The following PBX1 variants were observed in gnomAD, a reference collection of about 807,000 sequenced individuals.
PBX1 encodes the protein PBX homeobox 1.
PBX1 carries 6 observed loss-of-function variants against 53.4 expected under a neutral mutation model. The observed-to-expected ratio is 0.11, with a 90% CI of 0.06 to 0.22. PBX1 has a LOEUF of 0.22. PBX1 is among the 10% of genes least tolerant of loss of function. The pLI, the probability that PBX1 is intolerant of heterozygous loss-of-function variation, is 1.00. For missense variants in PBX1, 251 were observed against 551.4 expected (o/e 0.46, Z 5.46); for synonymous variants, 204 against 212.3 (o/e 0.96, Z 0.34).
intron 2 of PBX1, among the ~76,000 whole-genome samples, chr1:164,788,856 A>G (rs749401538): frequency 4.9e-5 from 7 of 144,038 alleles, no homozygotes. Flanking sequence ...AGCAATATTT[A>G]TGCCGTGGTG....
chr1:164,796,885 T>C (rs1668813063), intron 3 of PBX1, among the ~76,000 whole-genome samples: 1 of 152,238 alleles, frequency 6.6e-6, no homozygotes, highest in African/African-American at 2.4e-5. Flanking sequence ...AGTATTCACA[T>C]TACTGTCACA....
intron 2 of PBX1, among the ~76,000 whole-genome samples, chr1:164,859,339 G>A (rs1672043858): frequency 6.6e-6 from 1 of 152,196 alleles, no homozygotes; most frequent in Non-Finnish European, 1.5e-5. Context: ...TGGACTGGGA[G>A]CTCAAGCAGG....
chr1:164,766,066 A>G (rs55967153), intron 2 of PBX1, among the ~76,000 whole-genome samples: 13,744 of 152,236 alleles, frequency 0.09, 695 homozygotes, highest in South Asian at 0.15. Context: ...AAAGCAGTAC[A>G]TGCAGCAGCT....
At chr1:164,745,630 T>C (rs185145330) in intron 2 of PBX1, among the ~76,000 whole-genome samples, 3 of 152,270 alleles carry the variant, frequency 2.0e-5, no homozygotes, top group African/African-American at 7.2e-5. Flanking sequence ...AGTTCAATAG[T>C]AATTAGTAAT....
chr1:164,594,296 ACTTTT>A (rs527414275), intron 2 of PBX1, among the ~76,000 whole-genome samples: 97 of 152,256 alleles, frequency 6.4e-4, no homozygotes, highest in African/African-American at 2.0e-3. Context: ...AAAGAGAGAT[ACTTTT>A]CTTTTTTTTT....
chr1:164,749,050 A>G (rs1416665368), intron 2 of PBX1, among the ~76,000 whole-genome samples: 2 of 152,232 alleles, frequency 1.3e-5, no homozygotes, highest in Non-Finnish European at 2.9e-5. Context: ...AAAATCAACC[A>G]TAACTAAAGC....
At chr1:164,823,278 C>T (rs1238406458) in intron 8 of PBX1, among the ~76,000 whole-genome samples, 1 of 152,078 alleles carries the variant, frequency 6.6e-6, no homozygotes, top group Non-Finnish European at 1.5e-5. Flanking sequence ...TACAAGAAGC[C>T]ATTGTGGGAA....
At chr1:164,602,999 C>T (rs897661320) in intron 2 of PBX1, among the ~76,000 whole-genome samples, 2 of 152,102 alleles carry the variant, frequency 1.3e-5, no homozygotes, top group Admixed American at 6.6e-5. Context: ...TTCAGCTCTC[C>T]TTTCTTCTTT....
At chr1:164,834,446 C>T (rs1385788769) in intron 8 of PBX1, among the ~76,000 whole-genome samples, 1 of 151,452 alleles carries the variant, frequency 6.6e-6, no homozygotes, top group African/African-American at 2.4e-5. Context: ...TGGGTTCAAG[C>T]AATTCTCATG....
chr1:164,736,964 T>C (rs1290169217), intron 2 of PBX1, among the ~76,000 whole-genome samples: 2 of 152,162 alleles, frequency 1.3e-5, no homozygotes, highest in African/African-American at 4.8e-5. Flanking sequence ...AGCTCACAAG[T>C]AGTCCTTTCT....
intron 2 of PBX1, chr1:164,683,191 A>G (rs1485775288): frequency 6.6e-6 from 1 of 152,208 alleles, no homozygotes; most frequent in Non-Finnish European, 1.5e-5. Context: ...GTGGTGGTGT[A>G]TAGCTTTCCT....
At chr1:164,822,828 T>G (rs987068065) in intron 8 of PBX1, among the ~76,000 whole-genome samples, 2 of 152,198 alleles carry the variant, frequency 1.3e-5, no homozygotes, top group East Asian at 1.9e-4. Flanking sequence ...GAAACAGGTT[T>G]CACTTCAACA....
At chr1:164,816,004 A>G (rs1669864747) in intron 6 of PBX1, 3 of 152,228 alleles carry the variant, frequency 2.0e-5, no homozygotes, top group Non-Finnish European at 4.4e-5. Flanking sequence ...AGAGAAGTTG[A>G]CTAAAACTTT....
At chr1:164,614,360 A>C (rs1657130991) in intron 2 of PBX1, among the ~76,000 whole-genome samples, 1 of 152,148 alleles carries the variant, frequency 6.6e-6, no homozygotes, top group Non-Finnish European at 1.5e-5. Flanking sequence ...GGTAGTTCTA[A>C]AGTATCTAGC....
chr1:164,627,365 T>A lies in PBX1; in HGVS notation c.265+64054T>A, dbSNP rs1421021424. On this transcript the variant is annotated intron_variant, in intron 2 of 8. Transcript: ENST00000420696. Reference sequence around the variant, plus strand: ...CATTATTATAAATGCTCTATTGATTTTTGAGTGTGTTGGTACCGATGTGTG... The same window carrying A: ...CATTATTATAAATGCTCTATTGATTATTGAGTGTGTTGGTACCGATGTGTG... Among the ~76,000 whole-genome samples the A allele has an allele frequency of 2.0e-5, 3 of 152,122 alleles. No homozygotes were observed. The East Asian group carries it at 5.8e-4, about 29-fold the overall frequency.
intron 8 of PBX1, chr1:164,831,469 A>C (rs1670752443): frequency 6.6e-6 from 1 of 152,052 alleles, no homozygotes; most frequent in African/African-American, 2.4e-5. Context: ...GCTCACTGCA[A>C]GCTCCGCCTC....
intron 2 of PBX1, among the ~76,000 whole-genome samples, chr1:164,663,418 A>G (rs974749613): frequency 6.6e-6 from 1 of 151,968 alleles, no homozygotes; most frequent in African/African-American, 2.4e-5. Context: ...GCTTCTCCCT[A>G]TGGTACAACA....
At chr1:164,793,632 A>G (rs776626437) in intron 3 of PBX1, among the ~76,000 whole-genome samples, 2 of 152,164 alleles carry the variant, frequency 1.3e-5, no homozygotes, top group Non-Finnish European at 2.9e-5. Context: ...CACATCATAT[A>G]GCAATGCTAG....
intron 2 of PBX1, among the ~76,000 whole-genome samples, chr1:164,651,666 AAGG>A (rs1571150744): frequency 6.6e-6 from 1 of 152,126 alleles, no homozygotes; most frequent in Non-Finnish European, 1.5e-5. Flanking sequence ...GGGGAGAAGA[AAGG>A]AGGGGAATGA....
Sources: allele counts gnomAD v4.1 joint callset (sites outside exome capture counted in the v4.1 genomes callset), GRCh38; gene constraint gnomAD v4.1.1; transcripts MANE v1.5; gene names NCBI Gene and HGNC (gene_info 2026-07-23, HGNC 2026-07-21).